SPOCK1: variants seen among roughly 807,000 people sequenced by gnomAD.
The protein encoded by SPOCK1 is testican-1.
In SPOCK1, 23 loss-of-function variants were observed where a neutral mutation model predicts 55.3. The ratio of observed to expected loss-of-function variants is 0.42; its 90% confidence interval spans 0.30 to 0.59. The LOEUF is 0.59. Among genes scored for constraint, SPOCK1 ranks in the 20% least tolerant of loss-of-function variants. The pLI is 0.22. For synonymous variants in SPOCK1, 226 were observed against 221.0 expected, an observed-to-expected ratio of 1.02 and a Z score of -0.20; for missense variants, 499 against 552.5, an observed-to-expected ratio of 0.90 and a Z score of 0.97.
chr5:137,351,364 G>T (rs558999622), intron 2 of SPOCK1, among the ~76,000 whole-genome samples: 1 of 152,334 alleles, frequency 6.6e-6, no homozygotes, highest in South Asian at 2.1e-4. Context: ...TTGCTAGGTG[G>T]TTGTATCATC....
At chr5:137,180,171 T>A (rs1754941794) in intron 3 of SPOCK1, among the ~76,000 whole-genome samples, 1 of 152,184 alleles carries the variant, frequency 6.6e-6, no homozygotes. Context: ...ATCATCTCTG[T>A]ACCTACCTGC....
At chr5:137,184,897 C>T (rs1409521300) in intron 3 of SPOCK1, among the ~76,000 whole-genome samples, 1 of 152,144 alleles carries the variant, frequency 6.6e-6, no homozygotes, top group Non-Finnish European at 1.5e-5. Context: ...AAGCTTGGCT[C>T]CTTCTCATCC....
chr5:137,082,000 G>A (rs564676661), intron 5 of SPOCK1, among the ~76,000 whole-genome samples: 1 of 152,188 alleles, frequency 6.6e-6, no homozygotes, highest in Non-Finnish European at 1.5e-5. Flanking sequence ...TTCTCCCAGA[G>A]CCTGATGAAA....
chr5:137,141,416 T>G (rs1373164556), intron 3 of SPOCK1, among the ~76,000 whole-genome samples: 1 of 152,264 alleles, frequency 6.6e-6, no homozygotes, highest in Non-Finnish European at 1.5e-5. Flanking sequence ...GACAGAGTTT[T>G]TTGCTTCCAT....
At chr5:137,032,508 C>G (rs144970547) in intron 6 of SPOCK1, among the ~76,000 whole-genome samples, 65 of 152,056 alleles carry the variant, frequency 4.3e-4, no homozygotes, top group African/African-American at 1.5e-3. Flanking sequence ...GGCAGTGCAG[C>G]GGGGAAGCTG....
intron 3 of SPOCK1, among the ~76,000 whole-genome samples, chr5:137,248,649 C>T (rs1343898766): frequency 6.6e-6 from 1 of 152,184 alleles, no homozygotes; most frequent in Non-Finnish European, 1.5e-5. Flanking sequence ...CTCTCTGAAC[C>T]TCAGTTTCCG....
chr5:137,069,058 C>T (rs908030104), intron 5 of SPOCK1, among the ~76,000 whole-genome samples: 1 of 152,294 alleles, frequency 6.6e-6, no homozygotes, highest in South Asian at 2.1e-4. Flanking sequence ...CAGTCCTTGC[C>T]CTTGGAAAAC....
chr5:137,214,586 TAG>T (rs1262064254), intron 3 of SPOCK1, among the ~76,000 whole-genome samples: 1 of 152,216 alleles, frequency 6.6e-6, no homozygotes, highest in Non-Finnish European at 1.5e-5. Flanking sequence ...CATGTATCAG[TAG>T]CTGTGGTCTA....
chr5:137,448,936 G>A (rs1006575436), intron 2 of SPOCK1, among the ~76,000 whole-genome samples: 2 of 152,202 alleles, frequency 1.3e-5, no homozygotes, highest in Non-Finnish European at 2.9e-5. Flanking sequence ...AATCTGGCCT[G>A]ACACCTGATT....
At chr5:137,312,812 C>T (rs1226538948) in intron 2 of SPOCK1, among the ~76,000 whole-genome samples, 2 of 152,238 alleles carry the variant, frequency 1.3e-5, no homozygotes, top group African/African-American at 4.8e-5. Flanking sequence ...TCTCTCCCAT[C>T]ATCCCCATCC....
At chr5:137,354,197 C>A (rs1295508389) in intron 2 of SPOCK1, among the ~76,000 whole-genome samples, 2 of 152,188 alleles carry the variant, frequency 1.3e-5, no homozygotes, top group Non-Finnish European at 2.9e-5. Flanking sequence ...CCAGCCCTCG[C>A]CACACTAAGC....
chr5:137,010,804 T>C (rs1285344222), intron 6 of SPOCK1, among the ~76,000 whole-genome samples: 1 of 152,132 alleles, frequency 6.6e-6, no homozygotes, highest in Non-Finnish European at 1.5e-5. Flanking sequence ...CATGCCGAAA[T>C]TGGGTCTCTG....
intron 5 of SPOCK1, among the ~76,000 whole-genome samples, chr5:137,087,017 A>G (rs1441653824): frequency 6.6e-6 from 1 of 152,200 alleles, no homozygotes; most frequent in Non-Finnish European, 1.5e-5. Context: ...CTGAGTTCCA[A>G]TCAACTGCTC....
intron 2 of SPOCK1, among the ~76,000 whole-genome samples, chr5:137,291,716 G>A (rs934362334): frequency 3.3e-5 from 5 of 152,210 alleles, no homozygotes; most frequent in African/African-American, 1.2e-4. Flanking sequence ...TGCCTGGAGT[G>A]GTGGAGAGGA....
At chr5:136,979,573 T>C in intron 9 of SPOCK1, 104 bp from the exon 10 acceptor site, 2 of 1,436,276 alleles carry the variant, frequency 1.4e-6, no homozygotes, top group Non-Finnish European at 1.9e-6. Context: ...GAATATCTGC[T>C]GCAGGGTCAG....
intron 2 of SPOCK1, among the ~76,000 whole-genome samples, chr5:137,375,837 C>T (rs1207158109): frequency 6.6e-6 from 1 of 152,186 alleles, no homozygotes; most frequent in Non-Finnish European, 1.5e-5. Context: ...TGCGTGACCT[C>T]CAGCTACCCC....
chr5:137,254,284 G>T (rs1756593414), intron 3 of SPOCK1, among the ~76,000 whole-genome samples: 1 of 152,108 alleles, frequency 6.6e-6, no homozygotes, highest in Non-Finnish European at 1.5e-5. Context: ...ATTTCTATTG[G>T]TATTTTTTAT....
chr5:137,202,291 G>T lies in SPOCK1; in HGVS notation c.233-61597C>A, dbSNP rs544416524. ...GAAGTCATGGGGGAAGGTATGGTTT[G>T]TCTACTTGTTCAAAATCTGGACAAA... On this transcript the variant is annotated intron_variant, in intron 3 of 10. Transcript: ENST00000394945. Among the ~76,000 whole-genome samples, 13 of 152,016 alleles carry T rather than the reference G, an allele frequency of 8.6e-5. No homozygotes were observed. In the South Asian group the frequency reaches 2.7e-3, roughly 32 times the overall value.
At position 137,132,660 on chromosome 5, in the gene SPOCK1, C is replaced by T. The variant is rs559475798; in HGVS notation, c.347+7920G>A. Among the ~76,000 whole-genome samples, 210 of 152,308 alleles carry T rather than the reference C, an allele frequency of 1.4e-3. 1 individual carries two copies. The highest frequency in any genetic ancestry group is 4.9e-3 in the African/African-American group (205 of 41,566). ...ACTTATTAGCATCTGAGCATGTGCA[C>T]ATCCTGGGAATTCAACCATAAAACA... On this transcript the variant is annotated intron_variant, in intron 4 of 10. Coordinates refer to ENST00000394945, the MANE Select transcript of SPOCK1 (RefSeq NM_004598.4).
Sources: allele counts gnomAD v4.1 joint callset (sites outside exome capture counted in the v4.1 genomes callset), GRCh38; gene constraint gnomAD v4.1.1; transcripts MANE v1.5; gene names NCBI Gene and HGNC (gene_info 2026-07-23, HGNC 2026-07-21).